The following IKBKB variants were observed in gnomAD, a reference collection of about 807,000 sequenced individuals.
IKBKB encodes inhibitor of nuclear factor kappa-B kinase subunit beta.
A neutral mutation model predicts 113.6 loss-of-function variants in IKBKB; 42 were observed. That is an observed-to-expected ratio of 0.37 (90% CI 0.29 to 0.48). The LOEUF (loss-of-function observed/expected upper bound fraction) is 0.48. Ranked by LOEUF, IKBKB falls within the 20% of genes least tolerant of loss-of-function variation. The pLI is 0.99. For synonymous variants in IKBKB, 296 were observed against 361.3 expected (o/e 0.82, Z 2.05); for missense variants, 673 against 939.7 (o/e 0.72, Z 3.71).
intron 7 of IKBKB, among the ~76,000 whole-genome samples, chr8:42,307,017 C>T (rs992174839): frequency 6.6e-6 from 1 of 152,212 alleles, no homozygotes; most frequent in Non-Finnish European, 1.5e-5. Flanking sequence ...AAGCCCTTTT[C>T]GGCCTTCAGA....
intron 3 of IKBKB, 52 bp downstream of exon 3, chr8:42,288,780 G>T: frequency 1.4e-6 from 2 of 1,422,480 alleles, no homozygotes; most frequent in Non-Finnish European, 1.9e-6. Context: ...AGCAGCCCCC[G>T]GTGTGTCTAG....
At chr8:42,293,606 T>G in intron 5 of IKBKB, 94 bp downstream of exon 5, 8 of 1,603,298 alleles carry the variant, frequency 5.0e-6, no homozygotes, top group Non-Finnish European at 6.8e-6. Flanking sequence ...GACACTTCAA[T>G]CCTTTGGTCT....
chr8:42,327,656 G>A (rs1048111123), intron 20 of IKBKB, among the ~76,000 whole-genome samples: 1 of 136,846 alleles, frequency 7.3e-6, no homozygotes, highest in Non-Finnish European at 1.6e-5. Flanking sequence ...TTTTGAAATG[G>A]AGTTTCGCTC....
intron 2 of IKBKB, among the ~76,000 whole-genome samples, chr8:42,286,512 A>G (rs1275912757): frequency 6.6e-6 from 1 of 151,866 alleles, no homozygotes; most frequent in South Asian, 2.1e-4. Flanking sequence ...TTGTTTTGAA[A>G]CAGGGTCTTA....
chr8:42,314,458 A>C (rs373400751), intron 9 of IKBKB, 29 bp downstream of exon 9: 2 of 1,370,950 alleles, frequency 1.5e-6, no homozygotes, highest in South Asian at 2.3e-5. Flanking sequence ...ACACGAATAC[A>C]TATCTTTCTT....
chr8:42,326,977 T>G (rs915098392), intron 20 of IKBKB, among the ~76,000 whole-genome samples: 8 of 151,984 alleles, frequency 5.3e-5, no homozygotes, highest in Non-Finnish European at 8.8e-5. Flanking sequence ...AGGTTGGGAG[T>G]GACTGATAAT....
intron 7 of IKBKB, among the ~76,000 whole-genome samples, chr8:42,307,864 C>T (rs1158605630): frequency 2.6e-5 from 4 of 152,302 alleles, no homozygotes; most frequent in South Asian, 2.1e-4. Context: ...TTTGGTCTCC[C>T]GGGCCCTTCC....
intron 8 of IKBKB, 94 bp from the exon 9 acceptor site, chr8:42,314,228 A>G (rs1585746737): frequency 1.1e-6 from 1 of 889,974 alleles, no homozygotes; most frequent in Non-Finnish European, 1.9e-6. Flanking sequence ...TGTTATGTTC[A>G]CACAAGGACT....
chr8:42,277,159 G>A (rs1402522154), intron 2 of IKBKB, among the ~76,000 whole-genome samples: 2 of 146,354 alleles, frequency 1.4e-5, no homozygotes, highest in Non-Finnish European at 3.0e-5. Flanking sequence ...GTGAGCCACC[G>A]CACCCGGCCA....
intron 13 of IKBKB, 43 bp from the exon 14 acceptor site, chr8:42,319,227 G>T (rs769240385): frequency 7.5e-6 from 12 of 1,594,930 alleles, no homozygotes; most frequent in Non-Finnish European, 2.6e-6. Context: ...ATGGAATTTG[G>T]ATCCCAGAGA....
Position 42,331,403 on chromosome 8 carries a change from C to T in IKBKB, c.*424C>T, listed in dbSNP as rs1235640511. The T allele has an allele frequency of 2.8e-6, 2 of 702,844 alleles. No homozygotes were observed. The highest frequency in any genetic ancestry group is 2.6e-6 in the Non-Finnish European group (1 of 384,996). The allele number at this position is 702,844 out of a possible 1,614,324, so 43.5% of individuals were successfully genotyped here. On this transcript the variant is annotated 3_prime_UTR_variant, in exon 22 of 22. Transcript: ENST00000520810. ...TGGACAGTGTCCAATTCAAATCTTT[C>T]AGGGCAGAGTCCGAGCAGCGCTTGG...
chr8:42,287,206 AC>A (rs968225340), intron 2 of IKBKB, among the ~76,000 whole-genome samples: 3 of 152,320 alleles, frequency 2.0e-5, no homozygotes, highest in African/African-American at 7.2e-5. Context: ...CCACTCATGC[AC>A]CAGGGAGAAG....
intron 18 of IKBKB, 59 bp downstream of exon 18, chr8:42,322,212 A>G (rs1819907064): frequency 6.4e-7 from 1 of 1,557,958 alleles, no homozygotes; most frequent in East Asian, 2.2e-5. Context: ...GTATGAGGTC[A>G]CCTTCCTCCC....
intron 2 of IKBKB, among the ~76,000 whole-genome samples, chr8:42,285,373 C>G (rs1438106530): frequency 6.9e-6 from 1 of 145,444 alleles, no homozygotes; most frequent in Non-Finnish European, 1.5e-5. Context: ...TAGTGAGACT[C>G]CGTCTCTACA....
Position 42,316,163 on chromosome 8 carries a change from A to C in IKBKB, c.801-47A>C. ...TACTGGGAGACGCACACTGTAGCCC[A>C]ACATTGGCTGGAAGTGTCTCCTCAC... On this transcript the variant is annotated intron_variant, in intron 9 of 21. Transcript: ENST00000520810. The surrounding 1 kb of genome is among the most constrained non-coding windows in gnomAD (Gnocchi z 4.5). 1 of 1,606,962 alleles carries C rather than the reference A, an allele frequency of 6.2e-7. No homozygotes were observed. Among genetic ancestry groups the C allele is most frequent in the Non-Finnish European group, 8.5e-7 (1 of 1,175,900 alleles).
intron 5 of IKBKB, among the ~76,000 whole-genome samples, chr8:42,295,834 C>T (rs1483665351): frequency 2.6e-5 from 4 of 152,154 alleles, no homozygotes; most frequent in African/African-American, 7.2e-5. Flanking sequence ...TCTCTGGTTA[C>T]GTATTCTTTT....
rs543780122 is a variant in IKBKB, at chr8:42,281,151, C to T, written c.106-7483C>T. On this transcript the variant is annotated intron_variant, in intron 2 of 21. Transcript: ENST00000520810. ...GGTTCCCTGTCCGCATGATCTCTCCCGAACGCTGGGGAAGGGAGGCTTCTT... is the reference window on the plus strand; with the variant it reads ...GGTTCCCTGTCCGCATGATCTCTCCTGAACGCTGGGGAAGGGAGGCTTCTT... 3.3e-5 allele frequency among the ~76,000 whole-genome samples: 5 copies of T among 152,188 alleles called. No homozygotes were observed. The South Asian group carries it at 6.2e-4, about 19-fold the overall frequency.
chr8:42,275,537 AT>A (rs1484601598), intron 2 of IKBKB, among the ~76,000 whole-genome samples: 2 of 152,118 alleles, frequency 1.3e-5, no homozygotes, highest in Non-Finnish European at 2.9e-5. Context: ...AACATGTGGT[AT>A]TTATCTCCCT....
intron 11 of IKBKB, 114 bp from the exon 12 acceptor site, chr8:42,317,543 G>C: frequency 1.4e-6 from 1 of 720,764 alleles, no homozygotes; most frequent in Non-Finnish European, 2.5e-6. Context: ...CTACTTGCTG[G>C]CTGAAGATGA....
Sources: gnomAD v4.1 joint callset for allele counts (sites outside exome capture counted in the v4.1 genomes callset) on GRCh38, gnomAD v4.1.1 for gene constraint, Gnocchi (gnomAD v3.1) non-coding constraint, MANE v1.5 for transcripts, NCBI Gene and HGNC (gene_info 2026-07-23, HGNC 2026-07-21) for gene names.